DROSHA: variants seen among roughly 807,000 people sequenced by gnomAD.
The protein encoded by DROSHA is ribonuclease 3.
In DROSHA, 56 loss-of-function variants were observed where a neutral mutation model predicts 181.9. The ratio of observed to expected loss-of-function variants is 0.31; its 90% confidence interval spans 0.25 to 0.38. The LOEUF is 0.38. Ranked by LOEUF, DROSHA falls within the 10% of genes least tolerant of loss-of-function variation. DROSHA has a pLI of 1.00. For synonymous variants in DROSHA, 524 were observed against 591.2 expected (o/e 0.89, Z 1.65); for missense variants, 1,218 against 1,743.5 (o/e 0.70, Z 5.37).
intron 13 of DROSHA, 78 bp downstream of exon 13, chr5:31,493,129 G>T (rs928477640): frequency 7.2e-7 from 1 of 1,388,602 alleles, no homozygotes. Flanking sequence ...CAGATGACAG[G>T]AAATGTTTTG....
chr5:31,430,286 T>C (rs1744014746), intron 26 of DROSHA, among the ~76,000 whole-genome samples: 1 of 152,230 alleles, frequency 6.6e-6, no homozygotes, highest in Non-Finnish European at 1.5e-5. Flanking sequence ...GCAGCTGTTG[T>C]GGTTTGGGAA....
chr5:31,530,723 A>C, intron 3 of DROSHA, 75 bp downstream of exon 3: 1 of 396,314 alleles, frequency 2.5e-6, no homozygotes, highest in Non-Finnish European at 4.4e-6. Flanking sequence ...TCCTCTATGA[A>C]GCCCTTCCTG....
chr5:31,457,215 T>C (rs1372656239), intron 20 of DROSHA, among the ~76,000 whole-genome samples: 1 of 147,120 alleles, frequency 6.8e-6, no homozygotes, highest in Non-Finnish European at 1.5e-5. Context: ...CCTCTGCCTC[T>C]TGGGTTCAAG....
intron 11 of DROSHA, among the ~76,000 whole-genome samples, chr5:31,501,086 C>A (rs1367586321): frequency 6.6e-6 from 1 of 152,182 alleles, no homozygotes; most frequent in East Asian, 1.9e-4. Flanking sequence ...AACAAAATAA[C>A]AGCCCTGTCA....
intron 23 of DROSHA, among the ~76,000 whole-genome samples, chr5:31,441,986 A>G (rs956007771): frequency 1.3e-5 from 2 of 152,218 alleles, no homozygotes; most frequent in African/African-American, 4.8e-5. Context: ...AAACATGACA[A>G]TAAGTCATAT....
intron 16 of DROSHA, among the ~76,000 whole-genome samples, chr5:31,476,406 G>A (rs1234772157): frequency 6.6e-6 from 1 of 152,166 alleles, no homozygotes; most frequent in African/African-American, 2.4e-5. Flanking sequence ...TTATAAGAAT[G>A]CCAGTTATCC....
chr5:31,480,188 A>ATATATATATATATATATATATATATG (rs1208537484), intron 16 of DROSHA, among the ~76,000 whole-genome samples: 5 of 63,866 alleles, frequency 7.8e-5, no homozygotes, highest in Non-Finnish European at 3.4e-5. Flanking sequence ...GTATATATAT[A>ATATATATATATATATATATATATATG]TATATATATA....
chr5:31,529,734 C>CAAAAAAAAAAAACA (rs1741031817), intron 3 of DROSHA, among the ~76,000 whole-genome samples: 1 of 91,330 alleles, frequency 1.1e-5, no homozygotes, highest in Non-Finnish European at 2.3e-5. Flanking sequence ...AAAAAACAAA[C>CAAAAAAAAAAAACA]AAAAAAAAAA....
chr5:31,483,128 CACA>C (rs1266340258), intron 16 of DROSHA, among the ~76,000 whole-genome samples: 1 of 151,912 alleles, frequency 6.6e-6, no homozygotes. Flanking sequence ...TGAATTCAAG[CACA>C]TGTCAAAAGA....
intron 19 of DROSHA, 30 bp from the exon 20 acceptor site, chr5:31,464,373 A>T: frequency 6.3e-7 from 1 of 1,596,242 alleles, no homozygotes; most frequent in Non-Finnish European, 8.6e-7. Context: ...GATGAGTAAC[A>T]CAACTGCTAT....
intron 27 of DROSHA, among the ~76,000 whole-genome samples, chr5:31,427,278 G>C (rs1309025859): frequency 2.0e-5 from 3 of 152,192 alleles, no homozygotes; most frequent in East Asian, 1.9e-4. Flanking sequence ...AGCTTTCTAA[G>C]CGGGCCATTA....
intron 20 of DROSHA, among the ~76,000 whole-genome samples, chr5:31,454,583 G>A (rs1376372772): frequency 1.3e-5 from 2 of 151,776 alleles, no homozygotes; most frequent in African/African-American, 2.4e-5. Context: ...AAAGAATCAC[G>A]ATCAAATCCC....
intron 6 of DROSHA, among the ~76,000 whole-genome samples, chr5:31,519,229 T>C (rs1305221727): frequency 6.6e-6 from 1 of 152,286 alleles, no homozygotes; most frequent in East Asian, 1.9e-4. Context: ...CCAGCACTTA[T>C]ACATTAAAAA....
chr5:31,459,847 C>A (rs1434374138), intron 20 of DROSHA, among the ~76,000 whole-genome samples: 2 of 152,214 alleles, frequency 1.3e-5, no homozygotes, highest in Admixed American at 6.5e-5. Context: ...ACCACCACAA[C>A]TCAGCTTTCC....
Position 31,435,867 on chromosome 5 carries a change from A to G in DROSHA, c.2943-3T>C. ...GAAACAAATAGTACAAATGGACGCT[A>G]CAAAAAAAAAAAGAAGTACATGAAT... On this transcript the variant is annotated splice_region_variant and splice_polypyrimidine_tract_variant and intron_variant, in intron 24 of 35. Transcript: ENST00000344624. The G allele has an allele frequency of 6.2e-7, 1 of 1,606,596 alleles. No homozygotes were observed. The highest frequency in any genetic ancestry group is 8.5e-7 in the Non-Finnish European group (1 of 1,177,362).
intron 15 of DROSHA, 140 bp downstream of exon 15, chr5:31,484,741 C>T (rs1751540165): frequency 1.6e-6 from 1 of 629,576 alleles, no homozygotes; most frequent in African/African-American, 1.9e-5. Context: ...ACAAGCATTC[C>T]TGTGAATAAC....
chr5:31,471,161 TTTTG>T (rs1561212937), intron 17 of DROSHA, among the ~76,000 whole-genome samples: 1 of 152,210 alleles, frequency 6.6e-6, no homozygotes, highest in Non-Finnish European at 1.5e-5. Context: ...AATAGCAACA[TTTTG>T]TTTGTGCAGA....
intron 30 of DROSHA, among the ~76,000 whole-genome samples, chr5:31,417,311 A>ACAGT (rs112684107): frequency 3.8e-4 from 58 of 152,318 alleles, no homozygotes; most frequent in African/African-American, 1.4e-3. Context: ...CTTATGAAAA[A>ACAGT]CAGAGACAGG....
At chr5:31,433,590 G>C (rs1356141381) in intron 25 of DROSHA, among the ~76,000 whole-genome samples, 1 of 152,090 alleles carries the variant, frequency 6.6e-6, no homozygotes, top group African/African-American at 2.4e-5. Context: ...TGTTGCCCAG[G>C]CTGGAGTGCA....
Sources: gnomAD v4.1 joint callset for allele counts (sites outside exome capture counted in the v4.1 genomes callset) on GRCh38, gnomAD v4.1.1 for gene constraint, MANE v1.5 for transcripts, NCBI Gene and HGNC (gene_info 2026-07-23, HGNC 2026-07-21) for gene names.